The following ABCB11 variants were observed in gnomAD, a reference collection of about 807,000 sequenced individuals.
The protein encoded by ABCB11 is bile salt export pump.
A neutral mutation model predicts 148.0 loss-of-function variants in ABCB11; 95 were observed. The observed-to-expected ratio is 0.64, with a 90% CI of 0.54 to 0.76. The LOEUF is 0.76. Among genes scored for constraint, ABCB11 ranks in the 30% least tolerant of loss-of-function variants. ABCB11 has a pLI of 0.00. For missense variants in ABCB11, 1,523 were observed against 1,617.8 expected (o/e 0.94, Z 1.01); for synonymous variants, 591 against 555.4 (o/e 1.06, Z -0.90).
chr2:168,983,812 C>T (rs972556233), intron 10 of ABCB11, among the ~76,000 whole-genome samples: 2 of 152,042 alleles, frequency 1.3e-5, no homozygotes, highest in Non-Finnish European at 2.9e-5. Context: ...ATTGTTTGCT[C>T]TATCCGGAAT....
chr2:168,927,206 C>T lies in ABCB11; in HGVS notation c.3568G>A (p.Ala1190Thr), dbSNP rs748610515. ...TKEIPMERVIAAAKQAQLHDF... is the reference protein window; with the variant it reads ...TKEIPMERVITAAKQAQLHDF... ...TGCAGCTGAGCCTGTTTTGCAGCTG[C>T]TATGACTCTTTCCATGGGAATTTCT... is the stretch of plus-strand genomic sequence containing the variant. The change falls in exon 26 of 28, where the codon GCA becomes ACA. Residue 1190 changes from alanine to threonine, a missense_variant. Transcript: ENST00000650372. The T allele has an allele frequency of 8.1e-6, 13 of 1,613,856 alleles. No individual in the cohort carries two copies. In the South Asian group the frequency reaches 9.9e-5, roughly 12 times the overall value.
intron 19 of ABCB11, among the ~76,000 whole-genome samples, chr2:168,951,850 T>C (rs1485057743): frequency 6.6e-6 from 1 of 151,626 alleles, no homozygotes; most frequent in Admixed American, 6.6e-5. Flanking sequence ...CTTTCAACTT[T>C]TCCCCATTAA....
Position 168,973,728 on chromosome 2 carries a change from G to A in ABCB11, c.1421C>T (p.Pro474Leu), listed in dbSNP as rs1431047015. The A allele has an allele frequency of 1.2e-6, 2 of 1,611,764 alleles. No individual in the cohort carries two copies. Among genetic ancestry groups the A allele is most frequent in the Non-Finnish European group, 1.7e-6 (2 of 1,178,394 alleles). ...GAAGACACCCACCATTCCTTCACAGGGGTCATAGAATCGCTGAATGAGTTG... is the reference window on the plus strand; with the variant it reads ...GAAGACACCCACCATTCCTTCACAGAGGTCATAGAATCGCTGAATGAGTTG... ...ALQLIQRFYDPCEGMVTVDGH... is the reference protein window; with the variant it reads ...ALQLIQRFYDLCEGMVTVDGH... Residue 474 changes from proline to leucine, a missense_variant, in exon 13 of 28, where the codon CCC becomes CTC. Pro to Leu is a moderately conservative substitution (Grantham distance 98). Transcript: ENST00000650372.
chr2:168,978,222 T>C (rs1167268469), intron 11 of ABCB11, among the ~76,000 whole-genome samples: 1 of 140,492 alleles, frequency 7.1e-6, no homozygotes, highest in Non-Finnish European at 1.5e-5. Flanking sequence ...CATAGCTCAC[T>C]GCATCTTCAA....
intron 5 of ABCB11, among the ~76,000 whole-genome samples, chr2:168,998,874 A>G (rs1694794107): frequency 6.6e-6 from 1 of 152,076 alleles, no homozygotes; most frequent in Non-Finnish European, 1.5e-5. Flanking sequence ...TCTGGGAAGA[A>G]GAGGTGATTA....
At chr2:168,995,604 G>T in intron 6 of ABCB11, 122 bp from the exon 7 acceptor site, 3 of 1,077,016 alleles carry the variant, frequency 2.8e-6, no homozygotes, top group East Asian at 2.7e-5. Context: ...TTCAGAAAAT[G>T]CCTCTTCTTG....
Position 168,932,397 on chromosome 2 carries a change from T to C in ABCB11, c.3193A>G (p.Asn1065Asp), listed in dbSNP as rs1691612861. Residue 1065 changes from asparagine to aspartate, a missense_variant, in exon 24 of 28, where the codon AAT (asparagine) becomes GAT (aspartate). Transcript: ENST00000650372. ...CTTACCCATTTTTCACCTGCAGTATTGTATACACTGATTGGGGGTTGTCGG... is the reference window on the plus strand; with the variant it reads ...CTTACCCATTTTTCACCTGCAGTATCGTATACACTGATTGGGGGTTGTCGG... ...LDRQPPISVY[N>D]TAGEKWDNFQ... 1.9e-6 allele frequency: 3 copies of C among 1,568,238 alleles called. No individual in the cohort carries two copies. The highest frequency in any genetic ancestry group is 2.4e-5 in the East Asian group (1 of 42,492).
At chr2:168,999,584 T>C (rs899826441) in intron 5 of ABCB11, among the ~76,000 whole-genome samples, 4 of 152,136 alleles carry the variant, frequency 2.6e-5, no homozygotes, top group Non-Finnish European at 5.9e-5. Context: ...GATCTCACAG[T>C]GTAGAACCTT....
intron 5 of ABCB11, among the ~76,000 whole-genome samples, chr2:169,005,289 C>G (rs1391418218): frequency 6.6e-6 from 1 of 151,956 alleles, no homozygotes; most frequent in Non-Finnish European, 1.5e-5. Context: ...CTTTGGCTAC[C>G]AGGGCAGGTA....
intron 12 of ABCB11, among the ~76,000 whole-genome samples, chr2:168,974,647 C>T (rs1456177001): frequency 6.6e-6 from 1 of 151,914 alleles, no homozygotes; most frequent in Non-Finnish European, 1.5e-5. Flanking sequence ...TACAATGTGG[C>T]ACACAGAGGG....
chr2:168,953,576 A>G (rs1254208519), intron 19 of ABCB11, among the ~76,000 whole-genome samples: 1 of 150,806 alleles, frequency 6.6e-6, no homozygotes, highest in Admixed American at 6.6e-5. Flanking sequence ...CTCAGTCTAT[A>G]TGTGTCTTTA....
In ABCB11 at chr2:168,922,472, C is replaced by T. The variant is rs147498355; in HGVS notation, c.*1150G>A. On this transcript the variant is annotated 3_prime_UTR_variant, in exon 28 of 28. Transcript: ENST00000650372. ...TTCAGTCCCTCTGTCCCCTTGTCTC[C>T]TCCTTCCAGAAGGATCCAGTGTTTT... Among the ~76,000 whole-genome samples the T allele has an allele frequency of 1.9e-3, 287 of 152,318 alleles. No homozygotes were observed. Among genetic ancestry groups the T allele is most frequent in the African/African-American group, 6.4e-3 (265 of 41,564 alleles).
At chr2:168,948,281 G>T (rs1161515285) in intron 19 of ABCB11, among the ~76,000 whole-genome samples, 1 of 151,604 alleles carries the variant, frequency 6.6e-6, no homozygotes. Flanking sequence ...CAGGACACAG[G>T]CTTGGATTCT....
chr2:168,924,031 G>A (rs567607068), intron 27 of ABCB11, among the ~76,000 whole-genome samples: 257 of 152,098 alleles, frequency 1.7e-3, no homozygotes, highest in Non-Finnish European at 3.3e-3. Context: ...AAATTTCAGT[G>A]GAGCAAGAAG....
intron 1 of ABCB11, among the ~76,000 whole-genome samples, chr2:169,026,322 A>T (rs1376816916): frequency 6.6e-6 from 1 of 152,170 alleles, no homozygotes; most frequent in Non-Finnish European, 1.5e-5. Flanking sequence ...TTGACATGCC[A>T]AGGAGCTATA....
downstream of ABCB11, among the ~76,000 whole-genome samples, chr2:168,916,769 C>A (rs1391290757): frequency 6.6e-6 from 1 of 152,194 alleles, no homozygotes; most frequent in Non-Finnish European, 1.5e-5. Flanking sequence ...GTAAATTTCT[C>A]TCCAAGTGTG....
rs2105891479 is a variant in ABCB11 at position 168,932,453 on chromosome 2, A to G, written c.3137T>C (p.Ile1046Thr). 1.2e-6 allele frequency: 2 copies of G among 1,612,366 alleles called. No individual in the cohort carries two copies. The highest frequency in any genetic ancestry group is 1.1e-5 in the South Asian group (1 of 90,486). ...CAGTTGAAAAAAGCGTGCAGCTGAT[A>G]TTTTAGCTTTTGCATAACTTGGGGT... ...SYTPSYAKAK[I>T]SAARFFQLLD... Residue 1046 changes from isoleucine (I) to threonine (T), a missense_variant, in exon 24 of 28, where the codon ATA becomes ACA. Transcript: ENST00000650372.
At chr2:168,955,556 A>T (rs1221870275) in intron 19 of ABCB11, among the ~76,000 whole-genome samples, 3 of 151,590 alleles carry the variant, frequency 2.0e-5, no homozygotes, top group Non-Finnish European at 4.4e-5. Context: ...ACCTTCCACC[A>T]GTTCCCTTCT....
At chr2:169,028,495 A>G (rs1695767072) in intron 1 of ABCB11, among the ~76,000 whole-genome samples, 1 of 152,134 alleles carries the variant, frequency 6.6e-6, no homozygotes, top group Non-Finnish European at 1.5e-5. Context: ...GGAAGGACAC[A>G]TGCAAAGGCC....
Sources: allele counts gnomAD v4.1 joint callset (sites outside exome capture counted in the v4.1 genomes callset), GRCh38; gene constraint gnomAD v4.1.1; transcripts MANE v1.5; gene names NCBI Gene and HGNC (gene_info 2026-07-23, HGNC 2026-07-21).